Variants in LRRC37A3 observed in about 807,000 individuals in gnomAD.
LRRC37A3 encodes the protein leucine rich repeat containing 37 member A3.
In LRRC37A3, 25 loss-of-function variants were observed where a neutral mutation model predicts 106.2. That is an observed-to-expected ratio of 0.24 (90% confidence interval 0.17 to 0.33). The LOEUF is 0.33. LRRC37A3 is among the 10% of genes least tolerant of loss of function. The pLI is 1.00. For missense variants in LRRC37A3, 712 were observed against 1,644.9 expected (o/e 0.43, Z 9.81); for synonymous variants, 305 against 635.8 (o/e 0.48, Z 7.83).
rs569301955 is a variant in LRRC37A3, at chr17:64,860,602, C to T, written c.3544G>A (p.Val1182Ile). 2.0e-5 allele frequency: 32 copies of T among 1,613,882 alleles called. 1 individual carries two copies. In the South Asian group the frequency reaches 3.1e-4, roughly 16 times the overall value. The change falls in exon 12 of 15, where the codon GTA (valine) becomes ATA (isoleucine). Residue 1182 changes from valine to isoleucine, a missense_variant. Physicochemically the swap from Val to Ile is conservative, Grantham distance 29. Coordinates refer to ENST00000584306, the MANE Select transcript of LRRC37A3 (RefSeq NM_199340.5). ...RSIQKRHFKE[V>I]GRQSIRREQG... ...TCCCTCCTGATGCTCTGCCTTCCTA[C>T]CTCTTTGAAGTGCCTTTTCTGGATG...
chr17:64,865,858 C>A (rs1033565362), intron 10 of LRRC37A3, among the ~76,000 whole-genome samples: 16 of 152,214 alleles, frequency 1.1e-4, no homozygotes, highest in Admixed American at 1.0e-3. Context: ...TCAGACATTA[C>A]ATTTAGTACA....
At position 64,863,007 on chromosome 17, in the gene LRRC37A3, C is replaced by T. The variant is rs776912325; in HGVS notation, c.3065G>A (p.Ser1022Asn). Reference protein sequence around the residue: ...TVELEKLIVPSHMACCLCQFK... With the variant: ...TVELEKLIVPNHMACCLCQFK... ...TTGGCAGAGGCAGCAGGCCATATGG[C>T]TAGGTACGATCCTATAGATGAAAAC... The change falls in exon 11 of 15, where the codon AGC (serine) becomes AAC (asparagine). Residue 1022 changes from serine (S) to asparagine (N), a missense_variant. Coordinates refer to ENST00000584306, the MANE Select transcript of LRRC37A3 (RefSeq NM_199340.5). The T allele has an allele frequency of 2.5e-5, 40 of 1,597,770 alleles. No individual in the cohort carries two copies. In the South Asian group the frequency reaches 4.2e-4, roughly 17 times the overall value.
intron 1 of LRRC37A3, 121 bp from the exon 2 acceptor site, chr17:64,918,991 C>A: frequency 8.2e-7 from 1 of 1,217,204 alleles, no homozygotes; most frequent in Non-Finnish European, 1.0e-6. Context: ...CGCCTCCCCC[C>A]GGCCGGGGCG....
rs558956146 is a variant in LRRC37A3, at chr17:64,859,557, C to T, written c.4589G>A (p.Gly1530Glu). ...RTGHLMKLLS[G>E]QQEVKASKIE... ...CTTGGATGCCTTTACTTCCTGCTGC[C>T]CACTGAGAAGCTTCATCAGGTGGCC... Residue 1530 changes from glycine (G) to glutamate (E), a missense_variant, in exon 12 of 15, where the codon GGG (glycine) becomes GAG (glutamate). Physicochemically the swap from Gly to Glu is moderately conservative, Grantham distance 98. Transcript: ENST00000584306. 13 of 1,612,200 alleles carry T rather than the reference C, an allele frequency of 8.1e-6. No individual in the cohort carries two copies. The highest frequency in any genetic ancestry group is 1.1e-5 in the Non-Finnish European group (13 of 1,179,756).
At chr17:64,868,594 A>G in intron 9 of LRRC37A3, 58 bp from the exon 10 acceptor site, 1 of 1,547,444 alleles carries the variant, frequency 6.5e-7, no homozygotes, top group Non-Finnish European at 8.8e-7. Flanking sequence ...TTCTGTACTT[A>G]ACAATTCAAT....
chr17:64,917,390 C>T (rs925356182), intron 2 of LRRC37A3, among the ~76,000 whole-genome samples: 3 of 150,314 alleles, frequency 2.0e-5, no homozygotes, highest in African/African-American at 7.4e-5. Flanking sequence ...TTCTTATAAA[C>T]ATACAACCCA....
chr17:64,854,905 G>T (rs28402165), intron 14 of LRRC37A3, among the ~76,000 whole-genome samples: 30,150 of 152,164 alleles, frequency 0.2, 10,109 homozygotes, highest in African/African-American at 0.69. Flanking sequence ...TGGTGCTATC[G>T]TGGCTCCCTG....
chr17:64,855,478 G>C (rs1236808873), intron 14 of LRRC37A3, among the ~76,000 whole-genome samples: 1 of 150,218 alleles, frequency 6.7e-6, no homozygotes, highest in Non-Finnish European at 1.5e-5. Context: ...GGGGACAGCA[G>C]GTGTGTCCTT....
chr17:64,895,884 GC>G lies in LRRC37A3; in HGVS notation c.1373del (p.Gly458AlafsTer15). 1.5e-6 allele frequency: 1 copy of G among 681,776 alleles called. No homozygotes were observed. Among genetic ancestry groups the G allele is most frequent in the Non-Finnish European group, 2.5e-6 (1 of 401,456 alleles). 42.2% of individuals were successfully genotyped at this position (681,776 alleles called of 1,614,324 possible). A position where few individuals can be genotyped will look rare whatever the true frequency, so the allele number is the denominator to read the frequency against. Reference sequence around the variant, plus strand: ...CTGATGACTCTGGAAGCAGAGGTGGGCCCCCGTGCTGGATGGCGGGAGGTTC... The same window carrying G: ...CTGATGACTCTGGAAGCAGAGGTGGGCCCCGTGCTGGATGGCGGGAGGTTC... ...DVEPPAIQHG[G>X]PPLLPESSEE... On this transcript the variant is annotated frameshift_variant, in exon 4 of 15. Coordinates refer to ENST00000584306, the MANE Select transcript of LRRC37A3 (RefSeq NM_199340.5). LOFTEE classifies it high-confidence loss of function.
rs1974087373 is a variant in LRRC37A3 at position 64,895,529 on chromosome 17, TC to T, written c.1728del (p.Val578LeufsTer11). ...TMKETPTQPP[K>X]KVVPQLRVYQ... is the part of the protein sequence containing the mutation. Reference sequence around the variant, plus strand: ...TATACTCGAAGTTGGGGTACAACTTTCTTAGGAGGCTGAGTTGGGGTCTCCT... The same window carrying T: ...TATACTCGAAGTTGGGGTACAACTTTTTAGGAGGCTGAGTTGGGGTCTCCT... On this transcript the variant is annotated frameshift_variant, in exon 4 of 15. Transcript: ENST00000584306. LOFTEE classifies it high-confidence loss of function. 1.3e-6 allele frequency: 1 copy of T among 797,514 alleles called. No individual in the cohort carries two copies. Among genetic ancestry groups the T allele is most frequent in the African/African-American group, 2.8e-5 (1 of 35,420 alleles). The allele number at this position is 797,514 out of a possible 1,614,324, so 49.4% of individuals were successfully genotyped here. A position where few individuals can be genotyped will look rare whatever the true frequency, so the allele number is the denominator to read the frequency against.
chr17:64,861,112 C>G, intron 11 of LRRC37A3, 139 bp from the exon 12 acceptor site: 4 of 1,409,038 alleles, frequency 2.8e-6, no homozygotes, highest in Non-Finnish European at 4.0e-6. Flanking sequence ...AACACACACT[C>G]AATCCTAAAC....
At chr17:64,878,950 T>C (rs1401831351) in intron 8 of LRRC37A3, among the ~76,000 whole-genome samples, 1 of 152,202 alleles carries the variant, frequency 6.6e-6, no homozygotes, top group Non-Finnish European at 1.5e-5. Context: ...GATGAATGGA[T>C]GAACTGATAT....
chr17:64,909,882 A>G (rs1439669570), intron 2 of LRRC37A3: 1 of 152,124 alleles, frequency 6.6e-6, no homozygotes, highest in Non-Finnish European at 1.5e-5. Context: ...TAAGGGAGTG[A>G]ATTTCTTGAC....
intron 8 of LRRC37A3, among the ~76,000 whole-genome samples, chr17:64,880,831 A>G (rs1973675650): frequency 6.6e-6 from 1 of 151,620 alleles, no homozygotes; most frequent in South Asian, 2.1e-4. Flanking sequence ...TTTCCTTTCT[A>G]TTAACTGAGG....
intron 8 of LRRC37A3, among the ~76,000 whole-genome samples, chr17:64,877,393 G>A (rs1973548742): frequency 6.6e-6 from 1 of 151,984 alleles, no homozygotes; most frequent in African/African-American, 2.4e-5. Flanking sequence ...GTAGACATGG[G>A]GTTTCACCAT....
At chr17:64,876,008 C>G (rs1284421408) in intron 8 of LRRC37A3, among the ~76,000 whole-genome samples, 6 of 152,060 alleles carry the variant, frequency 3.9e-5, no homozygotes, top group Non-Finnish European at 8.8e-5. Context: ...GTAGCTGAGA[C>G]GACAGATGCG....
In LRRC37A3 at chr17:64,857,219, C is replaced by T. The variant is rs983655592; in HGVS notation, c.4810-1330G>A. On this transcript the variant is annotated intron_variant, in intron 13 of 14. Transcript: ENST00000584306. ...AAACCTCAAATACTTTTCCCATGTA[C>T]CACCAATAACTAATTAGAAAATGGA... is the stretch of plus-strand genomic sequence containing the variant. 1.8e-4 allele frequency among the ~76,000 whole-genome samples: 28 copies of T among 152,188 alleles called. No homozygotes were observed. In the East Asian group the frequency reaches 4.4e-3, roughly 24 times the overall value.
chr17:64,918,473 G>A (rs1458905549), intron 2 of LRRC37A3, among the ~76,000 whole-genome samples: 1 of 152,134 alleles, frequency 6.6e-6, no homozygotes, highest in African/African-American at 2.4e-5. Flanking sequence ...AAAATCAGAT[G>A]TGTACATGAT....
intron 10 of LRRC37A3, among the ~76,000 whole-genome samples, chr17:64,866,616 ATATATATATATATTTT>A (rs1231970421): frequency 2.5e-4 from 6 of 23,774 alleles, no homozygotes; most frequent in African/African-American, 1.1e-3. Context: ...ATATATATAT[ATATATATATATATTTT>A]TTTTTTTTTT....
Sources: gnomAD v4.1 joint callset for allele counts (sites outside exome capture counted in the v4.1 genomes callset) on GRCh38, gnomAD v4.1.1 for gene constraint, MANE v1.5 for transcripts, NCBI Gene and HGNC (gene_info 2026-07-23, HGNC 2026-07-21) for gene names.